TUBGCP5: variants seen among roughly 807,000 people sequenced by gnomAD.
TUBGCP5 encodes the protein gamma-tubulin complex component 5.
A neutral mutation model predicts 134.7 loss-of-function variants in TUBGCP5; 98 were observed. That is an observed-to-expected ratio of 0.73 (90% CI 0.62 to 0.86). The LOEUF is 0.86. TUBGCP5 is among the 40% of genes least tolerant of loss of function. The probability of loss-of-function intolerance (pLI) is 0.00; values close to 1 mark genes in which losing one functional copy is unlikely to be tolerated. For synonymous variants in TUBGCP5, 456 were observed against 431.4 expected (o/e 1.06, Z -0.71); for missense variants, 1,150 against 1,244.8 (o/e 0.92, Z 1.15).
At chr15:23,032,421 A>C (rs2066361694) in intron 4 of TUBGCP5, among the ~76,000 whole-genome samples, 1 of 152,138 alleles carries the variant, frequency 6.6e-6, no homozygotes, top group Middle Eastern at 3.2e-3. Context: ...ATAATACCTA[A>C]TATCATGTAA....
chr15:23,033,310 C>A (rs966492317), intron 3 of TUBGCP5, among the ~76,000 whole-genome samples: 7 of 151,940 alleles, frequency 4.6e-5, no homozygotes, highest in Non-Finnish European at 5.9e-5. Context: ...TGGATTTTCG[C>A]TCTGTCGCCC....
In TUBGCP5 at chr15:23,022,039, C is replaced by T. The variant is rs747327037; in HGVS notation, c.1291G>A (p.Val431Ile). The part of the protein sequence containing the change: ...AEVPPDTRNV[V>I]RASHLLNTLY... ...GTGTTAAGCAGGTGAGAGGCCCGGA[C>T]GACATTTCGAGTATCAGGTGGAACT... The change falls in exon 11 of 23, where the codon GTC becomes ATC. Residue 431 changes from valine to isoleucine, a missense_variant. By Grantham distance (29) the Val-to-Ile change is conservative. Around this residue, in one of 2 missense-constraint regions of TUBGCP5, gnomAD observed 697 missense variants for 850.1 expected, o/e 0.82. Coordinates refer to ENST00000615383, the MANE Select transcript of TUBGCP5 (RefSeq NM_052903.6). 10 of 1,613,982 alleles carry T rather than the reference C, an allele frequency of 6.2e-6. No individual in the cohort carries two copies. The highest frequency in any genetic ancestry group is 2.2e-5 in the East Asian group (1 of 44,900).
At chr15:23,024,972 G>A in intron 8 of TUBGCP5, 142 bp from the exon 9 acceptor site, 1 of 576,582 alleles carries the variant, frequency 1.7e-6, no homozygotes, top group Non-Finnish European at 3.1e-6. Flanking sequence ...CATGATCACA[G>A]CTCACTGGAG....
At chr15:23,021,108 C>T (rs1312055056) in intron 11 of TUBGCP5, among the ~76,000 whole-genome samples, 2 of 152,032 alleles carry the variant, frequency 1.3e-5, no homozygotes, top group Non-Finnish European at 2.9e-5. Flanking sequence ...AGGCTGGTCT[C>T]GAATTCCTGG....
chr15:23,001,420 C>A (rs1360292128), intron 21 of TUBGCP5, among the ~76,000 whole-genome samples: 1 of 151,706 alleles, frequency 6.6e-6, no homozygotes, highest in East Asian at 1.9e-4. Flanking sequence ...GCTCACCACA[C>A]CACAACCTCT....
At chr15:23,037,957 G>C (rs547258597) in intron 1 of TUBGCP5, among the ~76,000 whole-genome samples, 1 of 152,172 alleles carries the variant, frequency 6.6e-6, no homozygotes, top group Admixed American at 6.5e-5. Context: ...GTAGAGACCG[G>C]GTTTCACCGT....
intron 5 of TUBGCP5, 70 bp downstream of exon 5, chr15:23,031,880 G>A (rs1262368414): frequency 4.9e-6 from 6 of 1,223,508 alleles, no homozygotes; most frequent in Non-Finnish European, 7.0e-6. Context: ...AGGGTGGAAA[G>A]ACCCATGAAA....
chr15:23,030,373 G>A (rs62009504), intron 6 of TUBGCP5, among the ~76,000 whole-genome samples: 17,749 of 152,150 alleles, frequency 0.12, 1,396 homozygotes, highest in South Asian at 0.21. Flanking sequence ...CGGAATAAAT[G>A]CAGCTGTCCC....
At chr15:23,030,665 A>T (rs1452075117) in intron 6 of TUBGCP5, among the ~76,000 whole-genome samples, 1 of 151,942 alleles carries the variant, frequency 6.6e-6, no homozygotes, top group Non-Finnish European at 1.5e-5. Flanking sequence ...TAGGAAAAAA[A>T]TTACAAAATT....
At chr15:22,998,588 A>G (rs2064202942), downstream of TUBGCP5, among the ~76,000 whole-genome samples, 1 of 151,800 alleles carries the variant, frequency 6.6e-6, no homozygotes, top group East Asian at 1.9e-4. Flanking sequence ...CCTCCCAAGT[A>G]GCTGGGACCA....
chr15:23,026,211 A>C lies in TUBGCP5; in HGVS notation c.738-6T>G, dbSNP rs1254532704. ...TGCTGTACAAGTGTTGGTCCCTATG[A>C]GACAGCAAACATAAATGTCAATAGA... On this transcript the variant is annotated splice_region_variant and splice_polypyrimidine_tract_variant and intron_variant, in intron 7 of 22. Coordinates refer to ENST00000615383, the MANE Select transcript of TUBGCP5 (RefSeq NM_052903.6). The C allele has an allele frequency of 9.3e-6, 15 of 1,611,248 alleles. No individual in the cohort carries two copies. The highest frequency in any genetic ancestry group is 1.3e-5 in the African/African-American group (1 of 74,848).
Position 23,013,279 on chromosome 15 carries a change from C to T in TUBGCP5, c.1757-1948G>A, listed in dbSNP as rs1018740068. On this transcript the variant is annotated intron_variant, in intron 13 of 22. Transcript: ENST00000615383. The surrounding 1 kb of genome is among the most constrained non-coding windows in gnomAD (Gnocchi z 4.5). ...CATACTGGCTAGTATGGTAAAACCC[C>T]GTCTCTACTAAAAATACAAAAAAAT... 2.6e-5 allele frequency among the ~76,000 whole-genome samples: 4 copies of T among 152,018 alleles called. No homozygotes were observed. Among genetic ancestry groups the T allele is most frequent in the African/African-American group, 9.6e-5 (4 of 41,460 alleles).
chr15:23,026,093 T>C (rs1328967495), intron 8 of TUBGCP5, 23 bp downstream of exon 8: 1 of 1,576,368 alleles, frequency 6.3e-7, no homozygotes, highest in South Asian at 1.2e-5. Context: ...ATAAAGACTA[T>C]TAATTAAATG....
intron 14 of TUBGCP5, 59 bp downstream of exon 14, chr15:23,011,074 G>A (rs2065005986): frequency 1.9e-6 from 3 of 1,553,962 alleles, no homozygotes; most frequent in South Asian, 2.3e-5. Flanking sequence ...TAAACAGTTA[G>A]CAAACATTGC....
Position 23,005,614 on chromosome 15 carries a change from T to C in TUBGCP5, c.2534-4A>G, listed in dbSNP as rs749736953. 1.9e-6 allele frequency: 3 copies of C among 1,610,384 alleles called. No homozygotes were observed. The highest frequency in any genetic ancestry group is 2.2e-5 in the South Asian group (2 of 90,874). ...TTTTCTGCAGTACTAACCAGTTCTA[T>C]AAAACATTGGAAGAGCAAAGTGGAC... is the stretch of plus-strand genomic sequence containing the variant. On this transcript the variant is annotated splice_region_variant and splice_polypyrimidine_tract_variant and intron_variant, in intron 18 of 22. Coordinates refer to ENST00000615383, the MANE Select transcript of TUBGCP5 (RefSeq NM_052903.6).
Position 23,011,216 on chromosome 15 carries a change from G to C in TUBGCP5, c.1872C>G (p.Asn624Lys). The C allele has an allele frequency of 1.2e-6, 2 of 1,613,896 alleles. No individual in the cohort carries two copies. The highest frequency in any genetic ancestry group is 1.7e-6 in the Non-Finnish European group (2 of 1,179,978). ...CAGCAATGGACTGCATCTTCATCAG[G>C]TTCTCCTTGGTTGCCTGTTGCTCAG... ...VLTEQQATKE[N>K]LMKMQSIAES... Residue 624 changes from asparagine (N) to lysine (K), a missense_variant, in exon 14 of 23, where the codon AAC (asparagine) becomes AAG (lysine). Around this residue, in one of 2 missense-constraint regions of TUBGCP5, gnomAD observed 697 missense variants for 850.1 expected, o/e 0.82. Transcript: ENST00000615383.
Position 23,010,133 on chromosome 15 carries a change from C to A in TUBGCP5, c.1956G>T (p.Arg652Ser), listed in dbSNP as rs1458053423. 6.2e-7 allele frequency: 1 copy of A among 1,609,206 alleles called. No individual in the cohort carries two copies. The highest frequency in any genetic ancestry group is 1.7e-5 in the Admixed American group (1 of 59,640). The change falls in exon 15 of 23, where the codon AGG becomes AGT. Residue 652 changes from arginine (R) to serine (S), a missense_variant and splice_region_variant. This residue lies in a region of TUBGCP5 where 697 missense variants were observed against 850.1 expected (regional missense o/e 0.82). Transcript: ENST00000615383. Reference protein sequence around the residue: ...HDPLLAINFARMYLEQSDFHE... With the variant: ...HDPLLAINFASMYLEQSDFHE... ...GAAAGTCACTCTGCTCCAAATACAT[C>A]CTTCAAGATAAAAATGTGAGTCTTC...
intron 8 of TUBGCP5, among the ~76,000 whole-genome samples, chr15:23,025,236 G>A (rs1368453211): frequency 6.6e-6 from 1 of 151,978 alleles, no homozygotes; most frequent in Non-Finnish European, 1.5e-5. Flanking sequence ...AGAATTAGGG[G>A]CAAAAAGGTC....
intron 13 of TUBGCP5, among the ~76,000 whole-genome samples, chr15:23,014,901 T>C (rs888644110): frequency 6.6e-6 from 1 of 152,140 alleles, no homozygotes. Context: ...CCTTGGGCCA[T>C]TGCTGGCAGG....
Sources: allele counts gnomAD v4.1 joint callset (sites outside exome capture counted in the v4.1 genomes callset), GRCh38; gene constraint gnomAD v4.1.1; regional missense constraint gnomAD v4.1.1; non-coding constraint Gnocchi (gnomAD v3.1); transcripts MANE v1.5; gene names NCBI Gene and HGNC (gene_info 2026-07-23, HGNC 2026-07-21).